The following CKAP5 variants were observed in gnomAD, a reference collection of about 807,000 sequenced individuals.
The protein encoded by CKAP5 is cytoskeleton-associated protein 5.
A neutral mutation model predicts 232.8 loss-of-function variants in CKAP5; 27 were observed. The observed-to-expected ratio is 0.12, with a 90% CI of 0.09 to 0.16. The LOEUF is 0.16. Among genes scored for constraint, CKAP5 ranks in the 10% least tolerant of loss-of-function variants. The pLI is 1.00. For missense variants in CKAP5, 1,838 were observed against 2,424.7 expected (o/e 0.76, Z 5.08); for synonymous variants, 785 against 841.1 (o/e 0.93, Z 1.16).
At chr11:46,748,588 C>G (rs1454517952) in intron 42 of CKAP5, among the ~76,000 whole-genome samples, 1 of 152,012 alleles carries the variant, frequency 6.6e-6, no homozygotes, top group Non-Finnish European at 1.5e-5. Context: ...GCCTGGCCAA[C>G]ATGGTGAAAC....
intron 43 of CKAP5, 54 bp from the exon 44 acceptor site, chr11:46,744,319 C>T: frequency 6.2e-7 from 1 of 1,612,500 alleles, no homozygotes; most frequent in Non-Finnish European, 8.5e-7. Flanking sequence ...GGTCAAGATG[C>T]AGCTCCAGAA....
rs1939914586 is a variant in CKAP5 at position 46,836,232 on chromosome 11, C to T, written c.-38+9988G>A. On this transcript the variant is annotated intron_variant, in intron 1 of 43. Transcript: ENST00000529230. The stretch of plus-strand genomic sequence containing the variant: ...AAACAGAATCTGGAGTTTGTTTAAA[C>T]GATGTTAATAACAGGGCACACTGGG... Among the ~76,000 whole-genome samples, 6 of 152,090 alleles carry T rather than the reference C, an allele frequency of 3.9e-5. No homozygotes were observed. In the South Asian group the frequency reaches 8.3e-4, roughly 21 times the overall value.
At chr11:46,802,553 G>GAGACACACACAC (rs1555165924) in intron 8 of CKAP5, among the ~76,000 whole-genome samples, 116 of 142,554 alleles carry the variant, frequency 8.1e-4, no homozygotes, top group African/African-American at 3.1e-3. Flanking sequence ...CAGACAGACA[G>GAGACACACACAC]ACAGACACAC....
At chr11:46,750,967 G>A in intron 40 of CKAP5, 151 bp downstream of exon 40, 1 of 885,220 alleles carries the variant, frequency 1.1e-6, no homozygotes, top group Non-Finnish European at 1.7e-6. Context: ...AGGTGGAAAT[G>A]GTTACTGCAC....
In CKAP5 at chr11:46,744,054, C is replaced by CT; in HGVS notation, c.6067dup (p.Arg2023LysfsTer23). On this transcript the variant is annotated frameshift_variant, in exon 44 of 44. Coordinates refer to ENST00000529230, the MANE Select transcript of CKAP5 (RefSeq NM_001008938.4). LOFTEE classifies it high-confidence loss of function. ...GCGACTGCTCTTTATTCTCTCCAGTCTTTTTTTCAAGTCGTCTATGTTAGC... is the reference window on the plus strand; with the variant it reads ...GCGACTGCTCTTTATTCTCTCCAGTCTTTTTTTTCAAGTCGTCTATGTTAGC... 6.2e-7 allele frequency: 1 copy of CT among 1,613,466 alleles called. No homozygotes were observed. Among genetic ancestry groups the CT allele is most frequent in the Non-Finnish European group, 8.5e-7 (1 of 1,179,990 alleles).
intron 8 of CKAP5, among the ~76,000 whole-genome samples, chr11:46,806,695 T>G (rs906335555): frequency 2.0e-5 from 3 of 152,228 alleles, no homozygotes. Flanking sequence ...TAGAATATAG[T>G]TGATCCTCAT....
intron 1 of CKAP5, among the ~76,000 whole-genome samples, chr11:46,842,991 A>AT (rs1940096747): frequency 7.0e-6 from 1 of 142,340 alleles, no homozygotes; most frequent in Admixed American, 7.1e-5. Context: ...AAAAAAAAAA[A>AT]GAAGTAAGGT....
intron 38 of CKAP5, among the ~76,000 whole-genome samples, 157 bp from the exon 39 acceptor site, chr11:46,751,691 A>G (rs1031143650): frequency 7.2e-5 from 11 of 152,070 alleles, no homozygotes; most frequent in Admixed American, 3.3e-4. Context: ...AAAACATGAA[A>G]ATTTTTAATC....
At chr11:46,771,943 T>C (rs571055195) in intron 24 of CKAP5, among the ~76,000 whole-genome samples, 1 of 152,326 alleles carries the variant, frequency 6.6e-6, no homozygotes, top group East Asian at 1.9e-4. Flanking sequence ...GTTACCATTA[T>C]TTTTAATTTT....
At chr11:46,751,634 G>T in intron 38 of CKAP5, 100 bp from the exon 39 acceptor site, 1 of 1,001,246 alleles carries the variant, frequency 1.0e-6, no homozygotes, top group Non-Finnish European at 1.5e-6. Flanking sequence ...CTAAAAGATG[G>T]CCAGGGCTAT....
chr11:46,796,717 A>T, intron 12 of CKAP5, 95 bp downstream of exon 12: 2 of 1,368,258 alleles, frequency 1.5e-6, no homozygotes, highest in Non-Finnish European at 2.0e-6. Flanking sequence ...CTCCTCATCA[A>T]AACTACCAGT....
chr11:46,772,033 CT>C (rs57706275), intron 24 of CKAP5, among the ~76,000 whole-genome samples: 29,602 of 141,930 alleles, frequency 0.21, 3,603 homozygotes, highest in East Asian at 0.6. Context: ...CACTGAGCAT[CT>C]TTTTTTTTTT....
intron 9 of CKAP5, 122 bp from the exon 10 acceptor site, chr11:46,798,294 G>C (rs1592465327): frequency 1.4e-6 from 1 of 731,876 alleles, no homozygotes; most frequent in Admixed American, 2.6e-5. Context: ...CCAGTCACAG[G>C]CTGGGCACAG....
intron 9 of CKAP5, among the ~76,000 whole-genome samples, chr11:46,800,777 C>T (rs1939007670): frequency 6.6e-6 from 1 of 152,086 alleles, no homozygotes. Context: ...ATGTAAAACA[C>T]ATTTTATATA....
At chr11:46,752,796 C>G in intron 37 of CKAP5, 86 bp from the exon 38 acceptor site, 2 of 921,428 alleles carry the variant, frequency 2.2e-6, no homozygotes, top group Non-Finnish European at 3.5e-6. Flanking sequence ...AGTGAGATTA[C>G]TCTATTCATC....
intron 28 of CKAP5, among the ~76,000 whole-genome samples, chr11:46,764,406 GTACA>G (rs2065184285): frequency 6.6e-6 from 1 of 152,090 alleles, no homozygotes. Context: ...ATAAAGAAAG[GTACA>G]TACATACAAT....
intron 3 of CKAP5, among the ~76,000 whole-genome samples, chr11:46,817,045 G>C (rs911017620): frequency 1.3e-5 from 2 of 151,538 alleles, no homozygotes; most frequent in African/African-American, 4.8e-5. Flanking sequence ...GGTGGAGGTT[G>C]TGGTGAGCCA....
intron 16 of CKAP5, among the ~76,000 whole-genome samples, chr11:46,785,926 AAG>A (rs1284819421): frequency 6.6e-6 from 1 of 152,200 alleles, no homozygotes; most frequent in Non-Finnish European, 1.5e-5. Flanking sequence ...TAGCCTGGGC[AAG>A]AGAGTGAGAC....
At chr11:46,783,424 C>CGAG in intron 17 of CKAP5, 56 bp from the exon 18 acceptor site, 1 of 1,112,154 alleles carries the variant, frequency 9.0e-7, no homozygotes, top group Non-Finnish European at 1.3e-6. Context: ...TATAGAAATA[C>CGAG]AGCATGACAT....
Sources: gnomAD v4.1 joint callset for allele counts (sites outside exome capture counted in the v4.1 genomes callset) on GRCh38, gnomAD v4.1.1 for gene constraint, MANE v1.5 for transcripts, NCBI Gene and HGNC (gene_info 2026-07-23, HGNC 2026-07-21) for gene names.